Variants in TPX2 observed in about 807,000 individuals in gnomAD.
TPX2 encodes the protein targeting protein for Xklp2.
Under a neutral mutation model 93.6 loss-of-function variants are expected in TPX2, and 21 were observed. That is an observed-to-expected ratio of 0.22 (90% CI 0.16 to 0.32). The LOEUF (loss-of-function observed/expected upper bound fraction) is 0.32, where lower values mean the gene tolerates loss of function less well. Among genes scored for constraint, TPX2 ranks in the 10% least tolerant of loss-of-function variants. The probability of loss-of-function intolerance (pLI) is 1.00; values close to 1 mark genes in which losing one functional copy is unlikely to be tolerated. For synonymous variants in TPX2, 281 were observed against 298.3 expected (o/e 0.94, Z 0.60); for missense variants, 776 against 871.1 (o/e 0.89, Z 1.37).
At chr20:31,792,665 A>ATT (rs1160247811) in intron 12 of TPX2, 70 bp from the exon 13 acceptor site, 3 of 1,427,132 alleles carry the variant, frequency 2.1e-6, no homozygotes, top group African/African-American at 2.8e-5. Flanking sequence ...GGAAAAAAGG[A>ATT]TTTAATCTTC....
intron 10 of TPX2, among the ~76,000 whole-genome samples, chr20:31,779,366 A>T (rs1476346866): frequency 6.6e-6 from 1 of 152,240 alleles, no homozygotes; most frequent in Non-Finnish European, 1.5e-5. Context: ...GGTCCACCAA[A>T]ATTTTTACTA....
rs530216322 is a variant in TPX2, at chr20:31,793,977, C to A, written c.1639C>A (p.Arg547Ser). Reference protein sequence around the residue: ...PFSFDSRDKERQLQKEKKIKE... With the variant: ...PFSFDSRDKESQLQKEKKIKE... ...CTCGTTTGATTCTCGAGACAAAGAA[C>A]GTCAGTTACAGAAGGAGAAGAAAAT... is the stretch of plus-strand genomic sequence containing the variant. The change falls in exon 14 of 18, where the codon CGT (arginine) becomes AGT (serine). Residue 547 changes from arginine (R) to serine (S), a missense_variant. Around this residue, in one of 3 missense-constraint regions of TPX2, gnomAD observed 461 missense variants for 551.2 expected, o/e 0.84. Transcript: ENST00000300403. The A allele has an allele frequency of 5.6e-6, 9 of 1,613,164 alleles. No individual in the cohort carries two copies. Among genetic ancestry groups the A allele is most frequent in the Non-Finnish European group, 7.6e-6 (9 of 1,179,672 alleles).
intron 9 of TPX2, among the ~76,000 whole-genome samples, chr20:31,778,435 C>G (rs138557489): frequency 6.6e-6 from 1 of 152,230 alleles, no homozygotes; most frequent in African/African-American, 2.4e-5. Context: ...TGACCTGATG[C>G]ATACCCAGAG....
intron 2 of TPX2, among the ~76,000 whole-genome samples, 170 bp from the exon 3 acceptor site, chr20:31,757,237 C>T (rs2122979392): frequency 6.6e-6 from 1 of 152,188 alleles, no homozygotes; most frequent in South Asian, 2.1e-4. Flanking sequence ...ACATATCTAC[C>T]TCAAGGAGTA....
chr20:31,774,714 A>T (rs968717370), intron 7 of TPX2, among the ~76,000 whole-genome samples: 5 of 152,118 alleles, frequency 3.3e-5, no homozygotes, highest in Admixed American at 6.5e-5. Flanking sequence ...CTTCTGTTAC[A>T]TGTGTTTTAT....
At chr20:31,766,832 G>A (rs868339141) in intron 5 of TPX2, 150 bp downstream of exon 5, 61 of 863,272 alleles carry the variant, frequency 7.1e-5, no homozygotes, top group South Asian at 4.1e-4. Context: ...GGAGTGTTTC[G>A]CTCTTTTGCC....
rs151012673 is a variant in TPX2 at position 31,760,955 on chromosome 20, A to G, written c.229+776A>G. Among the ~76,000 whole-genome samples, 4 of 152,344 alleles carry G rather than the reference A, an allele frequency of 2.6e-5. No individual in the cohort carries two copies. The East Asian group carries it at 5.8e-4, about 22-fold the overall frequency. On this transcript the variant is annotated intron_variant, in intron 4 of 17. Transcript: ENST00000300403. ...CATAAGAAGCATTCTTTAAGAGGTC[A>G]TAAAATCCTTCTTGAAATTGATTCT...
At chr20:31,772,821 A>C (rs1309009639) in intron 7 of TPX2, among the ~76,000 whole-genome samples, 1 of 152,180 alleles carries the variant, frequency 6.6e-6, no homozygotes, top group Non-Finnish European at 1.5e-5. Context: ...TACTCAGTCA[A>C]CAACTTTATA....
At chr20:31,740,898 C>G (rs34181197) in intron 1 of TPX2, among the ~76,000 whole-genome samples, 3,607 of 152,252 alleles carry the variant, frequency 0.024, 74 homozygotes, top group Non-Finnish European at 0.037. Flanking sequence ...GGCAGGAAGG[C>G]ACTATCTGAA....
At chr20:31,757,339 C>T (rs1468452484) in intron 2 of TPX2, 68 bp from the exon 3 acceptor site, 44 of 665,504 alleles carry the variant, frequency 6.6e-5, no homozygotes, top group South Asian at 4.0e-4. Flanking sequence ...AAATTACAAA[C>T]GTGGTAGTAA....
intron 7 of TPX2, 49 bp downstream of exon 7, chr20:31,771,731 A>T: frequency 1.3e-6 from 2 of 1,575,160 alleles, no homozygotes; most frequent in Non-Finnish European, 1.7e-6. Context: ...GTATAAAATT[A>T]CAGATTTACA....
intron 15 of TPX2, among the ~76,000 whole-genome samples, chr20:31,795,651 G>A (rs1228643378): frequency 6.6e-6 from 1 of 152,208 alleles, no homozygotes; most frequent in East Asian, 1.9e-4. Flanking sequence ...CCATCTATTA[G>A]ACTCATTCAT....
chr20:31,747,118 A>AT (rs78298056), intron 2 of TPX2, among the ~76,000 whole-genome samples: 289 of 151,226 alleles, frequency 1.9e-3, no homozygotes, highest in African/African-American at 6.4e-3. Flanking sequence ...GAGGGAAGAG[A>AT]TTTTTTTTTG....
chr20:31,766,281 T>C (rs989914989), intron 4 of TPX2, among the ~76,000 whole-genome samples: 1 of 152,200 alleles, frequency 6.6e-6, no homozygotes, highest in Non-Finnish European at 1.5e-5. Context: ...TCTTTACCAG[T>C]GTCCTGAAAT....
chr20:31,789,753 A>G (rs113765411), intron 12 of TPX2, among the ~76,000 whole-genome samples: 4,932 of 152,172 alleles, frequency 0.032, 116 homozygotes, highest in Admixed American at 0.082. Context: ...ATTTTCATAA[A>G]TCATCTTTTC....
chr20:31,745,836 A>AT (rs1464228365), intron 2 of TPX2, among the ~76,000 whole-genome samples: 1 of 152,182 alleles, frequency 6.6e-6, no homozygotes, highest in Non-Finnish European at 1.5e-5. Flanking sequence ...TCCTTTTAGT[A>AT]TTTTACAAAG....
At chr20:31,761,228 G>A (rs533532868) in intron 4 of TPX2, among the ~76,000 whole-genome samples, 14 of 135,824 alleles carry the variant, frequency 1.0e-4, no homozygotes, top group East Asian at 8.4e-4. Context: ...TGAGACTGGC[G>A]TCTCACCCTG....
chr20:31,758,236 C>T (rs989933813), intron 3 of TPX2, among the ~76,000 whole-genome samples: 1 of 151,768 alleles, frequency 6.6e-6, no homozygotes, highest in Non-Finnish European at 1.5e-5. Context: ...GGTTCTGCCT[C>T]AGCCGCCCAA....
At position 31,762,319 on chromosome 20, in the gene TPX2, A is replaced by G. The variant is rs148386798; in HGVS notation, c.229+2140A>G. Among the ~76,000 whole-genome samples the G allele has an allele frequency of 7.6e-4, 115 of 152,220 alleles. 3 individuals carry two copies. In the East Asian group the frequency reaches 0.015, roughly 20 times the overall value. Reference sequence around the variant, plus strand: ...GGATCTTTGCCCAGAACCGTGTCCTAAAGTATTTCACCTATGTTTTTATTT... The same window carrying G: ...GGATCTTTGCCCAGAACCGTGTCCTGAAGTATTTCACCTATGTTTTTATTT... On this transcript the variant is annotated intron_variant, in intron 4 of 17. Coordinates refer to ENST00000300403, the MANE Select transcript of TPX2 (RefSeq NM_012112.5).
Sources: allele counts gnomAD v4.1 joint callset (sites outside exome capture counted in the v4.1 genomes callset), GRCh38; gene constraint gnomAD v4.1.1; regional missense constraint gnomAD v4.1.1; transcripts MANE v1.5; gene names NCBI Gene and HGNC (gene_info 2026-07-23, HGNC 2026-07-21).